Variants in SNX29 observed in about 807,000 individuals in gnomAD.
The protein encoded by SNX29 is sorting nexin 29, also known as sorting nexin-29.
A neutral mutation model predicts 102.1 loss-of-function variants in SNX29; 78 were observed. That is an observed-to-expected ratio of 0.76 (90% confidence interval 0.64 to 0.92). SNX29 has a LOEUF of 0.92. SNX29 is among the 40% of genes least tolerant of loss of function. The pLI is 0.00. For missense variants in SNX29, 1,280 were observed against 1,061.7 expected (o/e 1.21, Z -2.86); for synonymous variants, 580 against 414.5 (o/e 1.40, Z -4.85).
At chr16:12,073,616 G>A (rs995884682) in intron 10 of SNX29, among the ~76,000 whole-genome samples, 2 of 152,136 alleles carry the variant, frequency 1.3e-5, no homozygotes, top group African/African-American at 2.4e-5. Context: ...AATAGATGTG[G>A]TGTGGTGCTG....
At chr16:12,037,039 G>A in intron 4 of SNX29, among the ~76,000 whole-genome samples, 1 of 152,164 alleles carries the variant, frequency 6.6e-6, no homozygotes, top group Admixed American at 6.5e-5. Flanking sequence ...GTGGGGTCTC[G>A]CTACATTATG....
At chr16:12,398,163 A>G (rs1797666213) in intron 16 of SNX29, among the ~76,000 whole-genome samples, 1 of 152,174 alleles carries the variant, frequency 6.6e-6, no homozygotes, top group Non-Finnish European at 1.5e-5. Context: ...TCGCTCCAAA[A>G]TTACATGCTC....
chr16:12,061,936 G>A (rs953466790), intron 9 of SNX29, among the ~76,000 whole-genome samples: 5 of 152,170 alleles, frequency 3.3e-5, no homozygotes, highest in African/African-American at 7.2e-5. Flanking sequence ...CCAGTGGCCC[G>A]TTGAACTTGG....
Position 12,573,034 on chromosome 16 carries a change from G to A in SNX29, c.*4405G>A, listed in dbSNP as rs34705637. The stretch of plus-strand genomic sequence containing the variant: ...ATTTGCTGTTTTTAGATTGGCGTCC[G>A]TGCTAATTCTGCAGTTGTAGCACTG... On this transcript the variant is annotated 3_prime_UTR_variant, in exon 21 of 21. Coordinates refer to ENST00000566228, the MANE Select transcript of SNX29 (RefSeq NM_032167.5). The A allele has an allele frequency of 6.5e-3, 1,635 of 251,698 alleles. 10 individuals are homozygous for A. The highest frequency in any genetic ancestry group is 0.015 in the Middle Eastern group (12 of 798). The allele number at this position is 251,698 out of a possible 1,614,324, so 15.6% of individuals were successfully genotyped here.
intron 13 of SNX29, among the ~76,000 whole-genome samples, chr16:12,182,983 A>ATTTATTTATT (rs2076424995): frequency 6.9e-6 from 1 of 145,322 alleles, no homozygotes; most frequent in Non-Finnish European, 1.5e-5. Flanking sequence ...TGCAATATGG[A>ATTTATTTATT]TTTATTTATT....
At chr16:12,471,888 C>T (rs2087358936) in intron 18 of SNX29, among the ~76,000 whole-genome samples, 1 of 152,248 alleles carries the variant, frequency 6.6e-6, no homozygotes, top group Non-Finnish European at 1.5e-5. Context: ...CGCCCAAGGT[C>T]ATGAAGACAT....
intron 16 of SNX29, among the ~76,000 whole-genome samples, chr16:12,377,231 C>T (rs997061153): frequency 1.3e-5 from 2 of 152,160 alleles, no homozygotes; most frequent in Non-Finnish European, 2.9e-5. Context: ...AACGTAGGTT[C>T]AGTTGCACTG....
intron 18 of SNX29, among the ~76,000 whole-genome samples, chr16:12,476,413 C>CACAT (rs2087631050): frequency 3.6e-4 from 7 of 19,526 alleles, no homozygotes; most frequent in Non-Finnish European, 6.7e-4. Flanking sequence ...TATATATATA[C>CACAT]ATATATATAT....
intron 18 of SNX29, among the ~76,000 whole-genome samples, chr16:12,411,659 C>G (rs1007568885): frequency 2.0e-5 from 3 of 152,192 alleles, no homozygotes; most frequent in Non-Finnish European, 4.4e-5. Flanking sequence ...CCAGTGGGAG[C>G]CAAACTTGAC....
chr16:12,480,344 T>G (rs2087850106), intron 19 of SNX29, among the ~76,000 whole-genome samples: 1 of 152,190 alleles, frequency 6.6e-6, no homozygotes, highest in Non-Finnish European at 1.5e-5. Context: ...ATTTTTGCCT[T>G]ATGGCCTTCT....
At chr16:12,107,337 G>T (rs1404434111) in intron 11 of SNX29, among the ~76,000 whole-genome samples, 1 of 125,746 alleles carries the variant, frequency 8.0e-6, no homozygotes, top group African/African-American at 2.8e-5. Flanking sequence ...CAGCACTGTG[G>T]GTTTTTTTTT....
At chr16:12,188,079 T>A (rs1276454258) in intron 13 of SNX29, among the ~76,000 whole-genome samples, 1 of 152,198 alleles carries the variant, frequency 6.6e-6, no homozygotes, top group Admixed American at 6.5e-5. Flanking sequence ...CCTCACTCCC[T>A]AGGAGAAAAT....
At chr16:12,416,287 AC>A (rs1257291596) in intron 18 of SNX29, among the ~76,000 whole-genome samples, 1 of 152,100 alleles carries the variant, frequency 6.6e-6, no homozygotes, top group African/African-American at 2.4e-5. Flanking sequence ...GTCTCGGGGC[AC>A]CGCCCAGTCA....
At chr16:12,212,103 C>T (rs1259408492) in intron 14 of SNX29, among the ~76,000 whole-genome samples, 7 of 152,126 alleles carry the variant, frequency 4.6e-5, no homozygotes, top group African/African-American at 7.2e-5. Flanking sequence ...TCCTGGGCCT[C>T]GGTGGTGGTG....
At chr16:12,171,548 C>T (rs1328033512) in intron 13 of SNX29, among the ~76,000 whole-genome samples, 3 of 152,170 alleles carry the variant, frequency 2.0e-5, no homozygotes, top group Non-Finnish European at 4.4e-5. Context: ...TTCCACAGGC[C>T]GTGGGTGGGT....
At chr16:12,549,532 A>ATAGCCAGTAC (rs2077831125) in intron 20 of SNX29, among the ~76,000 whole-genome samples, 5 of 56,422 alleles carry the variant, frequency 8.9e-5, no homozygotes, top group African/African-American at 7.3e-4. Flanking sequence ...CTCTATCTCA[A>ATAGCCAGTAC]ATAGCCAGTA....
intron 13 of SNX29, among the ~76,000 whole-genome samples, chr16:12,191,938 C>T (rs972765177): frequency 2.0e-5 from 3 of 152,176 alleles, no homozygotes; most frequent in African/African-American, 4.8e-5. Flanking sequence ...ACCTGCTGGA[C>T]GGTAGGCATG....
chr16:12,568,967 C>A lies in SNX29; in HGVS notation c.*338C>A, dbSNP rs941786340. 16 of 362,610 alleles carry A rather than the reference C, an allele frequency of 4.4e-5. No homozygotes were observed. The South Asian group carries it at 5.9e-4, about 13-fold the overall frequency. 22.5% of individuals were successfully genotyped at this position (362,610 alleles called of 1,614,324 possible). A position where few individuals can be genotyped will look rare whatever the true frequency, so the allele number is the denominator to read the frequency against. On this transcript the variant is annotated 3_prime_UTR_variant, in exon 21 of 21. Coordinates refer to ENST00000566228, the MANE Select transcript of SNX29 (RefSeq NM_032167.5). ...TGGGCACCAGGTCAGGCTGGGTGCG[C>A]CATGGTTGAGAGGCAAAGGTGATCC...
At chr16:12,045,432 G>A (rs1349474597) in intron 5 of SNX29, among the ~76,000 whole-genome samples, 3 of 151,938 alleles carry the variant, frequency 2.0e-5, no homozygotes, top group African/African-American at 7.3e-5. Flanking sequence ...TTGGACTCGG[G>A]AGACCTGCTT....
Sources: allele counts gnomAD v4.1 joint callset (sites outside exome capture counted in the v4.1 genomes callset), GRCh38; gene constraint gnomAD v4.1.1; transcripts MANE v1.5; gene names NCBI Gene and HGNC (gene_info 2026-07-23, HGNC 2026-07-21).